Variants in TRIM48 observed in about 807,000 individuals in gnomAD.
The protein encoded by TRIM48 is tripartite motif containing 48, also known as E3 ubiquitin-protein ligase TRIM48.
In TRIM48, 31 loss-of-function variants were observed where a neutral mutation model predicts 29.5. The ratio of observed to expected loss-of-function variants is 1.05; its 90% CI spans 0.79 to 1.42. TRIM48 has a LOEUF of 1.42. TRIM48 is among the 40% of genes most tolerant of loss of function. The pLI, the probability that TRIM48 is intolerant of heterozygous loss-of-function variation, is 0.00. For missense variants in TRIM48, 344 were observed against 265.0 expected (o/e 1.30, Z -2.07); for synonymous variants, 128 against 90.6 (o/e 1.41, Z -2.34).
At position 55,265,119 on chromosome 11, in the gene TRIM48, G is replaced by A. The variant is rs747944303; in HGVS notation, c.264G>A (p.Lys88=). The A allele has an allele frequency of 2.8e-5, 44 of 1,582,654 alleles. 5 individuals carry two copies. Among genetic ancestry groups the A allele is most frequent in the Non-Finnish European group, 3.4e-5 (40 of 1,166,138 alleles). Residue 88 remains lysine (K), a synonymous_variant, in exon 2 of 6, where the codon AAG becomes AAA. Coordinates refer to ENST00000417545, the MANE Select transcript of TRIM48 (RefSeq NM_024114.5). ...RNLKTNIRLK[K]MASLARKASL... Reference sequence around the variant, plus strand: ...TCAAAACTAACATTCGATTGAAGAAGATGGCTTCCCTTGCCAGAAAAGCCA... The same window carrying A: ...TCAAAACTAACATTCGATTGAAGAAAATGGCTTCCCTTGCCAGAAAAGCCA...
At position 55,267,835 on chromosome 11, in the gene TRIM48, T is replaced by C. The variant is rs938820886; in HGVS notation, c.556-515T>C. Among the ~76,000 whole-genome samples the C allele has an allele frequency of 1.3e-4, 19 of 147,830 alleles. 3 individuals carry two copies. Among genetic ancestry groups the C allele is most frequent in the Non-Finnish European group, 2.5e-4 (17 of 66,886 alleles). ...CAGGCCAAAGGTCCCTCCTACTTTATCCACCAGCCACAAAACTTTGTGGAA... is the reference window on the plus strand; with the variant it reads ...CAGGCCAAAGGTCCCTCCTACTTTACCCACCAGCCACAAAACTTTGTGGAA... On this transcript the variant is annotated intron_variant, in intron 3 of 5. Transcript: ENST00000417545.
Position 55,265,002 on chromosome 11 carries a change from C to A in TRIM48, c.147C>A (p.Ser49Arg). The change falls in exon 2 of 6, where the codon AGC (serine) becomes AGA (arginine). Residue 49 changes from serine (S) to arginine (R), a missense_variant. Transcript: ENST00000417545. ...CGGTCACCATAGACTGTGGGCACAG[C>A]TTTTGCAGGCCCTGTTTCTACCTCA... Reference protein sequence around the residue: ...IDPVTIDCGHSFCRPCFYLNW... With the variant: ...IDPVTIDCGHRFCRPCFYLNW... 2 of 1,584,646 alleles carry A rather than the reference C, an allele frequency of 1.3e-6. No individual in the cohort carries two copies. The highest frequency in any genetic ancestry group is 1.7e-6 in the Non-Finnish European group (2 of 1,166,418).
intron 3 of TRIM48, 103 bp downstream of exon 3, chr11:55,265,798 A>C (rs1301911273): frequency 3.3e-5 from 3 of 90,846 alleles, no homozygotes; most frequent in Non-Finnish European, 5.5e-5. Context: ...TCTGGGAGTC[A>C]AAAAAAAAAA....
In TRIM48 at chr11:55,264,482, C is replaced by G. The variant is rs761334501; in HGVS notation, c.45-418C>G. Among the ~76,000 whole-genome samples the G allele has an allele frequency of 6.7e-5, 10 of 148,190 alleles. 1 individual carries two copies. Among genetic ancestry groups the G allele is most frequent in the Non-Finnish European group, 1.2e-4 (8 of 67,062 alleles). ...CTCTCTCAAAATATATCATAGGACC[C>G]TCTAGCCATCTTCTCGTATTTCTTT... On this transcript the variant is annotated intron_variant, in intron 1 of 5. Coordinates refer to ENST00000417545, the MANE Select transcript of TRIM48 (RefSeq NM_024114.5).
In TRIM48 at chr11:55,265,541, A is replaced by T. The variant is rs532736118; in HGVS notation, c.460-59A>T. Reference sequence around the variant, plus strand: ...TCATTCTGGGCCCCCTCCCAATGAAACGGTCTGTATGTTACTTTATTGTCT... The same window carrying T: ...TCATTCTGGGCCCCCTCCCAATGAATCGGTCTGTATGTTACTTTATTGTCT... On this transcript the variant is annotated intron_variant, in intron 2 of 5. Transcript: ENST00000417545. 82 of 1,550,174 alleles carry T rather than the reference A, an allele frequency of 5.3e-5. 7 individuals carry two copies. The highest frequency in any genetic ancestry group is 1.1e-4 in the Admixed American group (6 of 56,988).
rs1857393246 is a variant in TRIM48 at position 55,266,407 on chromosome 11, A to G, written c.555+712A>G. Among the ~76,000 whole-genome samples, 2 of 147,718 alleles carry G rather than the reference A, an allele frequency of 1.4e-5. 1 individual carries two copies. Among genetic ancestry groups the G allele is most frequent in the Non-Finnish European group, 3.0e-5 (2 of 66,920 alleles). On this transcript the variant is annotated intron_variant, in intron 3 of 5. Coordinates refer to ENST00000417545, the MANE Select transcript of TRIM48 (RefSeq NM_024114.5). ...ATTAGTGTGTTGAAAAGTATTTCAT[A>G]AGAACCTAGTCTATGTTGAATATTA...
At position 55,270,892 on chromosome 11, in the gene TRIM48, T is replaced by A. The variant is rs1857475210; in HGVS notation, c.*457T>A. ...TATATACACCATCCCTAATTGCTCC[T>A]TCTCACTTCCTCTCAGACCTATCTT... On this transcript the variant is annotated 3_prime_UTR_variant, in exon 6 of 6. Coordinates refer to ENST00000417545, the MANE Select transcript of TRIM48 (RefSeq NM_024114.5). The A allele has an allele frequency of 6.4e-7, 1 of 1,559,554 alleles. No individual in the cohort carries two copies. Among genetic ancestry groups the A allele is most frequent in the African/African-American group, 1.4e-5 (1 of 72,862 alleles).
At chr11:55,265,381 T>G in intron 2 of TRIM48, 67 bp downstream of exon 2, 1 of 1,571,574 alleles carries the variant, frequency 6.4e-7, no homozygotes, top group Non-Finnish European at 8.6e-7. Flanking sequence ...CCTATTTTCT[T>G]GGAGATTGGG....
At position 55,265,659 on chromosome 11, in the gene TRIM48, C is replaced by T; in HGVS notation, c.519C>T (p.Asn173=). The change falls in exon 3 of 6, where the codon AAC becomes AAT. Residue 173 remains asparagine, a synonymous_variant. Transcript: ENST00000417545. Reference sequence around the variant, plus strand: ...AAAAAGCTTGTGAAAATCAGAGAAACCTGAATGTGGAAACCACCAGAATCA... The same window carrying T: ...AAAAAGCTTGTGAAAATCAGAGAAATCTGAATGTGGAAACCACCAGAATCA... ...LWEKACENQR[N]LNVETTRISH... is the part of the protein sequence containing the mutation. 3.8e-6 allele frequency: 6 copies of T among 1,581,212 alleles called. 1 individual carries two copies. Among genetic ancestry groups the T allele is most frequent in the Non-Finnish European group, 5.1e-6 (6 of 1,165,212 alleles).
intron 1 of TRIM48, among the ~76,000 whole-genome samples, chr11:55,262,815 A>AGT (rs199689545): frequency 2.5e-4 from 1 of 3,994 alleles, no homozygotes; most frequent in East Asian, 0.5. Context: ...TGACCAAATA[A>AGT]ATATATGATA....
chr11:55,268,653 AG>A (rs1250430368), intron 4 of TRIM48, among the ~76,000 whole-genome samples: 1 of 148,034 alleles, frequency 6.8e-6, no homozygotes, highest in African/African-American at 2.5e-5. Context: ...GTGGATGGTG[AG>A]AAAGTCACCA....
In TRIM48 at chr11:55,267,769, C is replaced by T. The variant is rs558320286; in HGVS notation, c.556-581C>T. The T allele has an allele frequency of 1.2e-5, 17 of 1,407,826 alleles. 3 individuals carry two copies. The highest frequency in any genetic ancestry group is 7.3e-5 in the South Asian group (5 of 68,234). 87.2% of individuals were successfully genotyped at this position (1,407,826 alleles called of 1,614,324 possible). ...CAAAAACACATTCGCATAACTAATG[C>T]TACTTTATTGGGAGAGTATAGCCCC... On this transcript the variant is annotated intron_variant, in intron 3 of 5. Coordinates refer to ENST00000417545, the MANE Select transcript of TRIM48 (RefSeq NM_024114.5).
chr11:55,266,908 AT>A (rs1389695067), intron 3 of TRIM48, among the ~76,000 whole-genome samples: 1 of 147,566 alleles, frequency 6.8e-6, no homozygotes, highest in Non-Finnish European at 1.5e-5. Flanking sequence ...AAGGAAATGA[AT>A]TCAGGGAGAC....
chr11:55,269,884 G>C (rs1398497735), intron 5 of TRIM48, among the ~76,000 whole-genome samples: 1 of 147,714 alleles, frequency 6.8e-6, no homozygotes, highest in Non-Finnish European at 1.5e-5. Context: ...AATATGAAAA[G>C]CTACATGTTA....
At position 55,267,849 on chromosome 11, in the gene TRIM48, A is replaced by G. The variant is rs916121976; in HGVS notation, c.556-501A>G. On this transcript the variant is annotated intron_variant, in intron 3 of 5. Transcript: ENST00000417545. ...CTCCTACTTTATCCACCAGCCACAA[A>G]ACTTTGTGGAATGGTCAAGGTAACA... Among the ~76,000 whole-genome samples, 120 of 147,806 alleles carry G rather than the reference A, an allele frequency of 8.1e-4. 10 individuals are homozygous for G. The highest frequency in any genetic ancestry group is 2.1e-4 in the Non-Finnish European group (14 of 66,948).
At chr11:55,268,283 A>G (rs533809381) in intron 3 of TRIM48, 67 bp from the exon 4 acceptor site, 2 of 1,347,212 alleles carry the variant, frequency 1.5e-6, no homozygotes, top group East Asian at 2.6e-5. Flanking sequence ...TCCAAATTTC[A>G]CACTGAACTT....
chr11:55,265,455 A>G (rs1857378073), intron 2 of TRIM48, 141 bp downstream of exon 2: 1 of 1,485,122 alleles, frequency 6.7e-7, no homozygotes, highest in Non-Finnish European at 9.1e-7. Context: ...CAAACCTCTG[A>G]GATTTGACGA....
At chr11:55,264,648 A>T (rs1219341280) in intron 1 of TRIM48, among the ~76,000 whole-genome samples, 1 of 148,252 alleles carries the variant, frequency 6.7e-6, no homozygotes, top group Non-Finnish European at 1.5e-5. Flanking sequence ...TGGGAAATTG[A>T]ATAGATTAGT....
rs1240401991 is a variant in TRIM48, at chr11:55,266,767, T to C, written c.555+1072T>C. On this transcript the variant is annotated intron_variant, in intron 3 of 5. Transcript: ENST00000417545. ...GACCATGAGTGTGTATATGTGTGTG[T>C]GTGTGTCTGTGTGTAAAATTCCAGT... 2.7e-5 allele frequency among the ~76,000 whole-genome samples: 4 copies of C among 147,760 alleles called. 1 individual carries two copies. The highest frequency in any genetic ancestry group is 9.9e-5 in the African/African-American group (4 of 40,388).
Sources: gnomAD v4.1 joint callset for allele counts (sites outside exome capture counted in the v4.1 genomes callset) on GRCh38, gnomAD v4.1.1 for gene constraint, MANE v1.5 for transcripts, NCBI Gene and HGNC (gene_info 2026-07-23, HGNC 2026-07-21) for gene names.